NRG1: variants seen among roughly 807,000 people sequenced by gnomAD.
The protein encoded by NRG1 is pro-neuregulin-1, membrane-bound isoform.
A neutral mutation model predicts 63.8 loss-of-function variants in NRG1; 18 were observed. The ratio of observed to expected loss-of-function variants is 0.28; its 90% CI spans 0.19 to 0.42. The LOEUF (loss-of-function observed/expected upper bound fraction) is 0.42. NRG1 is among the 10% of genes least tolerant of loss of function. The pLI is 1.00. For missense variants in NRG1, 762 were observed against 814.7 expected (o/e 0.94, Z 0.79); for synonymous variants, 302 against 301.3 (o/e 1.00, Z -0.02).
At chr8:32,550,230 C>T (rs892013144) in intron 1 of NRG1, among the ~76,000 whole-genome samples, 2 of 152,150 alleles carry the variant, frequency 1.3e-5, no homozygotes, top group Admixed American at 1.3e-4. Context: ...CATTGCCCCT[C>T]ATGAGGGTGT....
chr8:32,647,670 T>C, intron 5 of NRG1: 1 of 1,505,094 alleles, frequency 6.6e-7, no homozygotes, highest in South Asian at 1.3e-5. Context: ...GGCCTCTGCG[T>C]GGTAATGGAC....
chr8:32,620,315 G>A (rs1294897303), intron 5 of NRG1, among the ~76,000 whole-genome samples: 3 of 152,048 alleles, frequency 2.0e-5, no homozygotes, highest in Admixed American at 2.0e-4. Context: ...TGACATTGGT[G>A]TTTTCTAAAG....
intron 1 of NRG1, among the ~76,000 whole-genome samples, chr8:31,861,495 A>G (rs1828467842): frequency 6.6e-6 from 1 of 152,192 alleles, no homozygotes; most frequent in South Asian, 2.1e-4. Context: ...AAGGAGAAGG[A>G]GAAGGAGAGA....
intron 1 of NRG1, among the ~76,000 whole-genome samples, chr8:32,205,612 T>G (rs1055622286): frequency 5.9e-5 from 9 of 152,150 alleles, no homozygotes; most frequent in African/African-American, 2.2e-4. Context: ...CATTAGATGA[T>G]CCTTTAGAAT....
At chr8:32,357,874 G>C (rs1376128436) in intron 1 of NRG1, among the ~76,000 whole-genome samples, 1 of 152,176 alleles carries the variant, frequency 6.6e-6, no homozygotes, top group East Asian at 1.9e-4. Flanking sequence ...AGTGTAATAA[G>C]TACTCTGGAA....
chr8:32,159,828 A>G (rs1838629136), intron 1 of NRG1, among the ~76,000 whole-genome samples: 1 of 152,150 alleles, frequency 6.6e-6, no homozygotes, highest in South Asian at 2.1e-4. Flanking sequence ...GATTCAAATA[A>G]TATATATTTT....
intron 1 of NRG1, among the ~76,000 whole-genome samples, chr8:31,749,028 G>A (rs562311334): frequency 1.3e-5 from 2 of 151,986 alleles, no homozygotes; most frequent in South Asian, 2.1e-4. Context: ...AACATTGGAA[G>A]AATGGTTAAG....
At chr8:32,330,791 C>A (rs551687823) in intron 1 of NRG1, among the ~76,000 whole-genome samples, 2 of 152,302 alleles carry the variant, frequency 1.3e-5, no homozygotes, top group East Asian at 3.9e-4. Flanking sequence ...CCATGGCACT[C>A]ACTGCCATAT....
chr8:32,435,142 A>G (rs1350324851), intron 1 of NRG1, among the ~76,000 whole-genome samples: 2 of 152,120 alleles, frequency 1.3e-5, no homozygotes, highest in African/African-American at 2.4e-5. Flanking sequence ...GATAGGCACA[A>G]TGGGAGGCAG....
intron 1 of NRG1, among the ~76,000 whole-genome samples, chr8:31,975,784 T>C (rs945223101): frequency 5.3e-5 from 8 of 152,150 alleles, no homozygotes; most frequent in Non-Finnish European, 1.2e-4. Context: ...TAATTATAGG[T>C]GAAGTATTCA....
At chr8:32,181,273 T>G (rs1162465252) in intron 1 of NRG1, among the ~76,000 whole-genome samples, 1 of 152,170 alleles carries the variant, frequency 6.6e-6, no homozygotes, top group African/African-American at 2.4e-5. Flanking sequence ...CAAATACCCA[T>G]CTCTTCCATA....
At chr8:32,728,334 A>G (rs1013124383) in intron 6 of NRG1, 1 of 982,964 alleles carries the variant, frequency 1.0e-6, no homozygotes, top group Admixed American at 6.2e-5. Flanking sequence ...CATGTTATTT[A>G]TAGTGTTGCT....
At chr8:32,676,783 G>A (rs1465281594) in intron 5 of NRG1, among the ~76,000 whole-genome samples, 5 of 152,120 alleles carry the variant, frequency 3.3e-5, no homozygotes, top group African/African-American at 7.2e-5. Flanking sequence ...TTCCTGCAAC[G>A]TGGTACTGAT....
In NRG1 at chr8:32,488,077, A is replaced by G. The variant is rs1242295104; in HGVS notation, c.38-107751A>G. 2.6e-5 allele frequency among the ~76,000 whole-genome samples: 4 copies of G among 152,188 alleles called. No homozygotes were observed. In the South Asian group the frequency reaches 8.3e-4, roughly 31 times the overall value. On this transcript the variant is annotated intron_variant, in intron 1 of 10. Transcript: ENST00000519301. Reference sequence around the variant, plus strand: ...GCATCCTGCTGGCTAATTAACTTGCAGCACTTTCTTCTCTATTGTGCCTTG... The same window carrying G: ...GCATCCTGCTGGCTAATTAACTTGCGGCACTTTCTTCTCTATTGTGCCTTG...
chr8:31,863,587 T>C (rs954279563), intron 1 of NRG1, among the ~76,000 whole-genome samples: 2 of 152,216 alleles, frequency 1.3e-5, no homozygotes, highest in African/African-American at 4.8e-5. Context: ...AAAACACCCA[T>C]AGGTCCATCA....
At chr8:32,143,321 A>T (rs1836502353) in intron 1 of NRG1, among the ~76,000 whole-genome samples, 1 of 152,158 alleles carries the variant, frequency 6.6e-6, no homozygotes, top group Non-Finnish European at 1.5e-5. Flanking sequence ...TGTATGAAAA[A>T]ATCAAAGTCA....
intron 5 of NRG1, chr8:32,647,912 G>A (rs1854008062): frequency 6.2e-7 from 1 of 1,614,030 alleles, no homozygotes; most frequent in Admixed American, 1.7e-5. Context: ...TAGAAGCTGA[G>A]CGCCTGAGAG....
chr8:32,392,168 T>G (rs1811856647), intron 1 of NRG1, among the ~76,000 whole-genome samples: 1 of 152,144 alleles, frequency 6.6e-6, no homozygotes, highest in Non-Finnish European at 1.5e-5. Context: ...GCCTGCACTA[T>G]GATTAGATGC....
At chr8:31,822,811 C>T (rs1345504258) in intron 1 of NRG1, among the ~76,000 whole-genome samples, 1 of 152,050 alleles carries the variant, frequency 6.6e-6, no homozygotes, top group Non-Finnish European at 1.5e-5. Context: ...TCTCAGGAGA[C>T]AAATAACAAT....
Sources: allele counts gnomAD v4.1 joint callset (sites outside exome capture counted in the v4.1 genomes callset), GRCh38; gene constraint gnomAD v4.1.1; transcripts MANE v1.5; gene names NCBI Gene and HGNC (gene_info 2026-07-23, HGNC 2026-07-21).